Variants in MAP1B observed in about 807,000 individuals in gnomAD.
MAP1B encodes microtubule-associated protein 1B.
In MAP1B, 12 loss-of-function variants were observed where a neutral mutation model predicts 176.1. The observed-to-expected ratio is 0.07, with a 90% CI of 0.04 to 0.11. The LOEUF (loss-of-function observed/expected upper bound fraction) is 0.11. MAP1B is among the 10% of genes least tolerant of loss of function. MAP1B has a pLI of 1.00. For missense variants in MAP1B, 2,523 were observed against 2,990.5 expected (o/e 0.84, Z 3.65); for synonymous variants, 1,044 against 1,135.0 (o/e 0.92, Z 1.61).
chr5:72,187,350 A>G (rs1746930243), intron 4 of MAP1B, among the ~76,000 whole-genome samples: 1 of 152,376 alleles, frequency 6.6e-6, no homozygotes, highest in African/African-American at 2.4e-5. Context: ...TGACACATAT[A>G]AAGTGTTGAA....
chr5:72,138,020 A>G (rs1745867923), intron 2 of MAP1B, among the ~76,000 whole-genome samples: 1 of 152,206 alleles, frequency 6.6e-6, no homozygotes, highest in African/African-American at 2.4e-5. Context: ...TGCTGGTGAC[A>G]ATATAAAACC....
In MAP1B at chr5:72,195,790, C is replaced by G. The variant is rs1747146235; in HGVS notation, c.2435C>G (p.Ala812Gly). ...GATTAAVMAA[A>G]GIAAIGPAKE... ...ACCACAGCAGCTGTCATGGCGGCAG[C>G]TGGAATAGCAGCCATTGGCCCTGCC... is the stretch of plus-strand genomic sequence containing the variant. The change falls in exon 5 of 7, where the codon GCT becomes GGT. Residue 812 changes from alanine (A) to glycine (G), a missense_variant. This residue lies in a region of MAP1B where 1,925 missense variants were observed against 2,126.0 expected (regional missense o/e 0.91). Coordinates refer to ENST00000296755, the MANE Select transcript of MAP1B (RefSeq NM_005909.5). The G allele has an allele frequency of 1.9e-6, 3 of 1,614,172 alleles. No individual in the cohort carries two copies. Among genetic ancestry groups the G allele is most frequent in the Non-Finnish European group, 2.5e-6 (3 of 1,179,996 alleles).
chr5:72,199,886 T>C lies in MAP1B; in HGVS notation c.6531T>C (p.Asn2177=), dbSNP rs1409996754. The change falls in exon 5 of 7, where the codon AAT becomes AAC. Residue 2177 remains asparagine, a synonymous_variant. Coordinates refer to ENST00000296755, the MANE Select transcript of MAP1B (RefSeq NM_005909.5). The surrounding 1 kb of genome is among the most constrained non-coding windows in gnomAD (Gnocchi z 4.2). ...GCCCCTCCATCACGGCCGATGCCAA[T>C]ATCGACTCTGAAGACGAGTCGGAAA... is the stretch of plus-strand genomic sequence containing the variant. ...EECPSITADA[N]IDSEDESETI... The C allele has an allele frequency of 1.2e-6, 2 of 1,614,054 alleles. No homozygotes were observed. Among genetic ancestry groups the C allele is most frequent in the African/African-American group, 1.3e-5 (1 of 74,998 alleles).
chr5:72,183,417 G>T (rs1042151131), intron 2 of MAP1B, among the ~76,000 whole-genome samples: 2 of 152,158 alleles, frequency 1.3e-5, no homozygotes, highest in African/African-American at 2.4e-5. Flanking sequence ...CAAGAGCCCC[G>T]TTGAGTTTTC....
At chr5:72,193,768 C>T in intron 4 of MAP1B, 98 bp from the exon 5 acceptor site, 2 of 1,328,684 alleles carry the variant, frequency 1.5e-6, no homozygotes, top group Non-Finnish European at 2.0e-6. Context: ...TATGTGCATC[C>T]TGTGATCCTG....
Position 72,196,308 on chromosome 5 carries a change from T to G in MAP1B, c.2953T>G (p.Tyr985Asp). Reference protein sequence around the residue: ...EESAKAEADAYIREKRESVAS... With the variant: ...EESAKAEADADIREKRESVAS... Reference sequence around the variant, plus strand: ...AAGTGCCAAGGCGGAGGCTGATGCATACATCAGGGAGAAGAGGGAGTCTGT... The same window carrying G: ...AAGTGCCAAGGCGGAGGCTGATGCAGACATCAGGGAGAAGAGGGAGTCTGT... The change falls in exon 5 of 7, where the codon TAC becomes GAC. Residue 985 changes from tyrosine to aspartate, a missense_variant. Physicochemically the swap from Tyr to Asp is radical, Grantham distance 160 (BLOSUM62 -3). Transcript: ENST00000296755. This position sits in a 1 kb window ranked among gnomAD's most constrained non-coding sequence, Gnocchi z 5.3. The G allele has an allele frequency of 6.2e-7, 1 of 1,613,846 alleles. No individual in the cohort carries two copies. Among genetic ancestry groups the G allele is most frequent in the Non-Finnish European group, 8.5e-7 (1 of 1,179,984 alleles).
intron 2 of MAP1B, among the ~76,000 whole-genome samples, chr5:72,121,368 T>A (rs530575203): frequency 1.3e-5 from 2 of 152,246 alleles, no homozygotes; most frequent in Admixed American, 6.5e-5. Context: ...CCTTGATATA[T>A]TTACATTTTG....
At chr5:72,115,666 A>G (rs1426430774) in intron 1 of MAP1B, 32 bp from the exon 2 acceptor site, 1 of 1,165,502 alleles carries the variant, frequency 8.6e-7, no homozygotes, top group South Asian at 1.2e-5. Flanking sequence ...ACTAACTGGA[A>G]GTCTCTCAAC....
In MAP1B at chr5:72,196,740, G is replaced by A; in HGVS notation, c.3385G>A (p.Glu1129Lys). ...YTQSTIEISS[E>K]PTPMDEMSTP... ...TCAGTCTACTATTGAGATATCCAGT[G>A]AGCCCACCCCCATGGATGAGATGTC... Residue 1129 changes from glutamate (E) to lysine (K), a missense_variant, in exon 5 of 7, where the codon GAG becomes AAG. Coordinates refer to ENST00000296755, the MANE Select transcript of MAP1B (RefSeq NM_005909.5). This position sits in a 1 kb window ranked among gnomAD's most constrained non-coding sequence, Gnocchi z 5.3. The A allele has an allele frequency of 6.2e-7, 1 of 1,614,134 alleles. No homozygotes were observed. The highest frequency in any genetic ancestry group is 1.1e-5 in the South Asian group (1 of 91,062).
chr5:72,112,934 A>T (rs528141147), intron 1 of MAP1B, among the ~76,000 whole-genome samples: 52 of 152,268 alleles, frequency 3.4e-4, no homozygotes, highest in African/African-American at 1.3e-3. Context: ...CCTCTTTAGA[A>T]CCTCTTCACC....
chr5:72,198,560 T>G lies in MAP1B; in HGVS notation c.5205T>G (p.Ala1735=). 6.2e-7 allele frequency: 1 copy of G among 1,614,028 alleles called. No individual in the cohort carries two copies. Among genetic ancestry groups the G allele is most frequent in the Non-Finnish European group, 8.5e-7 (1 of 1,180,018 alleles). Residue 1735 remains alanine (A), a synonymous_variant, in exon 5 of 7, where the codon GCT becomes GCG. Transcript: ENST00000296755. ...AGGCCTCCCCGTCCACCTCTTCTGC[T>G]CATACCCCTTCTCAGATCGCTTCTC... is the stretch of plus-strand genomic sequence containing the variant. The part of the protein sequence containing the change: ...QVEASPSTSS[A]HTPSQIASPL...
intron 2 of MAP1B, among the ~76,000 whole-genome samples, chr5:72,122,267 C>G (rs961414041): frequency 6.6e-6 from 1 of 152,064 alleles, no homozygotes; most frequent in Non-Finnish European, 1.5e-5. Context: ...ATCGGCAGCT[C>G]CTCATGCTGT....
chr5:72,192,946 A>G (rs765681669), intron 4 of MAP1B, among the ~76,000 whole-genome samples: 11 of 152,228 alleles, frequency 7.2e-5, no homozygotes, highest in Non-Finnish European at 1.3e-4. Flanking sequence ...AGTACTAAAC[A>G]ATGTGTTGAA....
At chr5:72,129,107 G>T (rs1193101692) in intron 2 of MAP1B, among the ~76,000 whole-genome samples, 11 of 152,090 alleles carry the variant, frequency 7.2e-5, no homozygotes, top group Non-Finnish European at 1.3e-4. Flanking sequence ...GATTTATCTG[G>T]AATATCTTTA....
chr5:72,118,220 A>T (rs1745466655), intron 2 of MAP1B, among the ~76,000 whole-genome samples: 2 of 152,274 alleles, frequency 1.3e-5, no homozygotes, highest in South Asian at 4.1e-4. Flanking sequence ...TATGTTGCCC[A>T]GGCTGCTCTC....
chr5:72,200,669 T>C (rs1000630683), intron 5 of MAP1B, among the ~76,000 whole-genome samples: 2 of 152,144 alleles, frequency 1.3e-5, no homozygotes, highest in African/African-American at 4.8e-5. Context: ...GAACCAAGGA[T>C]GTGTCTTTCA....
chr5:72,169,753 G>T (rs899419038), intron 2 of MAP1B, among the ~76,000 whole-genome samples: 2 of 152,160 alleles, frequency 1.3e-5, no homozygotes, highest in Non-Finnish European at 2.9e-5. Context: ...AGTCTTATAA[G>T]TTGGTTGGAG....
chr5:72,129,194 G>A lies in MAP1B; in HGVS notation c.286+13395G>A, dbSNP rs1190040907. Among the ~76,000 whole-genome samples, 3 of 152,326 alleles carry A rather than the reference G, an allele frequency of 2.0e-5. No homozygotes were observed. The East Asian group carries it at 5.8e-4, about 29-fold the overall frequency. Reference sequence around the variant, plus strand: ...TACATATGTAATTGTATGTGTGTGTGTATGTGTATGGCTTTGTTTTTATAT... The same window carrying A: ...TACATATGTAATTGTATGTGTGTGTATATGTGTATGGCTTTGTTTTTATAT... On this transcript the variant is annotated intron_variant, in intron 2 of 6. Coordinates refer to ENST00000296755, the MANE Select transcript of MAP1B (RefSeq NM_005909.5).
intron 5 of MAP1B, among the ~76,000 whole-genome samples, chr5:72,202,266 T>C (rs1210002797): frequency 1.3e-5 from 2 of 152,232 alleles, no homozygotes; most frequent in Non-Finnish European, 2.9e-5. Context: ...ACATGTTTAA[T>C]TACTGGAAGA....
Sources: allele counts gnomAD v4.1 joint callset (sites outside exome capture counted in the v4.1 genomes callset), GRCh38; gene constraint gnomAD v4.1.1; regional missense constraint gnomAD v4.1.1; non-coding constraint Gnocchi (gnomAD v3.1); transcripts MANE v1.5; gene names NCBI Gene and HGNC (gene_info 2026-07-23, HGNC 2026-07-21).